XIRP2: variants seen among roughly 807,000 people sequenced by gnomAD.
XIRP2 encodes the protein xin actin-binding repeat-containing protein 2.
XIRP2 carries 236 observed loss-of-function variants against 277.0 expected under a neutral mutation model. The ratio of observed to expected loss-of-function variants is 0.85; its 90% CI spans 0.77 to 0.95. The LOEUF is 0.95. Among genes scored for constraint, XIRP2 ranks in the 40% least tolerant of loss-of-function variants. XIRP2 has a pLI of 0.00. For missense variants in XIRP2, 4,640 were observed against 4,157.5 expected, an observed-to-expected ratio of 1.12 and a Z score of -3.19; for synonymous variants, 1,490 against 1,416.5, an observed-to-expected ratio of 1.05 and a Z score of -1.17.
intron 2 of XIRP2, among the ~76,000 whole-genome samples, chr2:167,095,285 C>T (rs752055324): frequency 2.0e-5 from 3 of 152,148 alleles, no homozygotes; most frequent in African/African-American, 4.8e-5. Context: ...TTCCTCTCCT[C>T]CTATTTGAAT....
At position 167,123,672 on chromosome 2, in the gene XIRP2, C is replaced by A. The variant is rs578224918; in HGVS notation, c.409-12237C>A. Among the ~76,000 whole-genome samples, 3 of 152,152 alleles carry A rather than the reference C, an allele frequency of 2.0e-5. No individual in the cohort carries two copies. The South Asian group carries it at 6.2e-4, about 32-fold the overall frequency. On this transcript the variant is annotated intron_variant, in intron 2 of 10. Coordinates refer to ENST00000409195, the MANE Select transcript of XIRP2 (RefSeq NM_152381.6). ...GCTGCCTCTTCACATGCTCATTCCT[C>A]TATGAACATGCACCCCTGCTGTCTC...
At chr2:167,120,262 A>C (rs992632301) in intron 2 of XIRP2, among the ~76,000 whole-genome samples, 1 of 152,138 alleles carries the variant, frequency 6.6e-6, no homozygotes, top group Non-Finnish European at 1.5e-5. Flanking sequence ...AGAGCTCTGC[A>C]CTATTTCTAG....
intron 2 of XIRP2, among the ~76,000 whole-genome samples, chr2:166,944,099 G>A (rs576708438): frequency 4.6e-5 from 7 of 152,268 alleles, no homozygotes; most frequent in African/African-American, 1.7e-4. Context: ...GGATAGCCTG[G>A]AACTTACTAA....
chr2:167,194,709 C>G (rs911318590), intron 3 of XIRP2, among the ~76,000 whole-genome samples: 2 of 152,112 alleles, frequency 1.3e-5, no homozygotes, highest in African/African-American at 4.8e-5. Context: ...AGTTTGAATT[C>G]CATCTCTTAC....
At chr2:167,214,259 AAGAG>A (rs1303756831) in intron 4 of XIRP2, among the ~76,000 whole-genome samples, 3 of 90,138 alleles carry the variant, frequency 3.3e-5, no homozygotes, top group East Asian at 3.8e-4. Context: ...GAAGGAAGGA[AAGAG>A]AGAGAGAGAA....
intron 4 of XIRP2, among the ~76,000 whole-genome samples, chr2:167,215,536 G>A (rs1213177662): frequency 6.6e-6 from 1 of 152,082 alleles, no homozygotes. Flanking sequence ...CTATTTGAAA[G>A]ACTACTTATT....
intron 2 of XIRP2, among the ~76,000 whole-genome samples, chr2:166,905,264 A>G (rs1046643104): frequency 2.0e-5 from 3 of 151,972 alleles, no homozygotes; most frequent in East Asian, 1.9e-4. Flanking sequence ...TTTCCATTCA[A>G]TCCCTCTTGA....
At chr2:167,030,602 C>T (rs762040935) in intron 2 of XIRP2, among the ~76,000 whole-genome samples, 1 of 152,026 alleles carries the variant, frequency 6.6e-6, no homozygotes, top group Non-Finnish European at 1.5e-5. Flanking sequence ...CATTCTTTTG[C>T]ATTTGCTGAG....
At chr2:167,040,245 C>T (rs887438540) in intron 2 of XIRP2, among the ~76,000 whole-genome samples, 26 of 151,432 alleles carry the variant, frequency 1.7e-4, no homozygotes, top group Non-Finnish European at 2.8e-4. Context: ...AGAAGACCAG[C>T]ACATTTCAAA....
intron 2 of XIRP2, among the ~76,000 whole-genome samples, chr2:167,001,715 T>C (rs750689801): frequency 3.9e-5 from 6 of 152,106 alleles, no homozygotes; most frequent in Admixed American, 3.9e-4. Context: ...CAAAAACATA[T>C]CTTTTGATTT....
intron 2 of XIRP2, among the ~76,000 whole-genome samples, chr2:167,035,090 G>A (rs1688474808): frequency 6.6e-6 from 1 of 152,146 alleles, no homozygotes; most frequent in Non-Finnish European, 1.5e-5. Context: ...CCAGCCATGT[G>A]GAACTGTAAG....
intron 2 of XIRP2, among the ~76,000 whole-genome samples, chr2:167,091,574 T>G (rs6706598): frequency 0.98 from 149,445 of 152,036 alleles, 73,523 homozygotes; most frequent in Middle Eastern, 1. Context: ...TATTAGCCTT[T>G]TCTTCTTATT....
chr2:167,258,059 C>T lies in XIRP2; in HGVS notation c.*242C>T. 1 of 1,613,008 alleles carries T rather than the reference C, an allele frequency of 6.2e-7. No homozygotes were observed. Among genetic ancestry groups the T allele is most frequent in the Non-Finnish European group, 8.5e-7 (1 of 1,179,478 alleles). On this transcript the variant is annotated 3_prime_UTR_variant, in exon 11 of 11. Coordinates refer to ENST00000409195, the MANE Select transcript of XIRP2 (RefSeq NM_152381.6). Reference sequence around the variant, plus strand: ...GTGTAAAAATATTGCAGAAAACACCCTTGTACCTGGAGATCGTAATGAACA... The same window carrying T: ...GTGTAAAAATATTGCAGAAAACACCTTTGTACCTGGAGATCGTAATGAACA...
chr2:167,020,084 T>C (rs1687939363), intron 2 of XIRP2, among the ~76,000 whole-genome samples: 1 of 152,068 alleles, frequency 6.6e-6, no homozygotes, highest in African/African-American at 2.4e-5. Flanking sequence ...ACTAATCAAC[T>C]TGTTTCAATC....
At chr2:167,064,517 TATAAC>T (rs1259827498) in intron 2 of XIRP2, among the ~76,000 whole-genome samples, 1 of 151,978 alleles carries the variant, frequency 6.6e-6, no homozygotes, top group Non-Finnish European at 1.5e-5. Flanking sequence ...GTAAAATACA[TATAAC>T]ATAAAATGTG....
intron 2 of XIRP2, among the ~76,000 whole-genome samples, chr2:166,970,631 A>T (rs1686554150): frequency 6.6e-6 from 1 of 151,906 alleles, no homozygotes. Flanking sequence ...TTCTTAGTGA[A>T]TCGATAGGTA....
At chr2:167,234,289 C>T (rs1289465480) in intron 5 of XIRP2, among the ~76,000 whole-genome samples, 3 of 151,384 alleles carry the variant, frequency 2.0e-5, no homozygotes, top group Non-Finnish European at 4.4e-5. Context: ...ACACTTCTCT[C>T]AGAAATTTAT....
chr2:167,161,562 C>T (rs897916533), intron 3 of XIRP2, among the ~76,000 whole-genome samples: 1 of 152,212 alleles, frequency 6.6e-6, no homozygotes, highest in African/African-American at 2.4e-5. Context: ...TCTATGTTGG[C>T]CCCTTCCAGC....
intron 2 of XIRP2, among the ~76,000 whole-genome samples, chr2:167,107,923 T>C (rs1690655589): frequency 6.6e-6 from 1 of 151,774 alleles, no homozygotes; most frequent in Non-Finnish European, 1.5e-5. Flanking sequence ...ATTATGAAGT[T>C]ATACAAATTA....
Sources: allele counts gnomAD v4.1 joint callset (sites outside exome capture counted in the v4.1 genomes callset), GRCh38; gene constraint gnomAD v4.1.1; transcripts MANE v1.5; gene names NCBI Gene and HGNC (gene_info 2026-07-23, HGNC 2026-07-21).